The following KIF4A variants were observed in gnomAD, a reference collection of about 807,000 sequenced individuals.
The protein encoded by KIF4A is chromosome-associated kinesin KIF4A.
Under a neutral mutation model 105.9 loss-of-function variants are expected in KIF4A, and 7 were observed. The ratio of observed to expected loss-of-function variants is 0.07; its 90% confidence interval spans 0.04 to 0.12. The LOEUF is 0.12. Ranked by LOEUF, KIF4A falls within the 10% of genes least tolerant of loss-of-function variation. The pLI is 1.00. For missense variants in KIF4A, 558 were observed against 929.2 expected, an observed-to-expected ratio of 0.60 and a Z score of 5.19; for synonymous variants, 281 against 331.3, an observed-to-expected ratio of 0.85 and a Z score of 1.65.
At chrX:70,337,867 C>T (rs1240309976) in intron 10 of KIF4A, among the ~76,000 whole-genome samples, 2 of 111,756 alleles carry the variant, frequency 1.8e-5, no homozygotes, top group African/African-American at 6.5e-5. Flanking sequence ...GTGGCTGTAC[C>T]ATTTTACATC....
At chrX:70,315,015 C>T (rs1316434011) in intron 7 of KIF4A, among the ~76,000 whole-genome samples, 1 of 111,439 alleles carries the variant, frequency 9.0e-6, no homozygotes, top group African/African-American at 3.3e-5. Flanking sequence ...TTTATCCTTT[C>T]CATTAATTTC....
chrX:70,299,935 G>A (rs1251042734), intron 5 of KIF4A, among the ~76,000 whole-genome samples: 1 of 112,022 alleles, frequency 8.9e-6, no homozygotes, highest in Non-Finnish European at 1.9e-5. Flanking sequence ...AAAATTGAGA[G>A]TTTCCTATGT....
At chrX:70,355,071 G>T (rs111811627) in intron 15 of KIF4A, among the ~76,000 whole-genome samples, 6 of 111,574 alleles carry the variant, frequency 5.4e-5, no homozygotes, top group African/African-American at 2.0e-4. Flanking sequence ...AACAGTCAGG[G>T]TCTTCTGCCT....
intron 9 of KIF4A, among the ~76,000 whole-genome samples, chrX:70,332,979 G>A (rs777067425): frequency 9.0e-6 from 1 of 111,537 alleles, no homozygotes; most frequent in East Asian, 2.8e-4. Context: ...CTTGAGAGTA[G>A]GGGTCATATT....
intron 20 of KIF4A, among the ~76,000 whole-genome samples, chrX:70,387,711 T>C (rs1379369114): frequency 9.0e-6 from 1 of 111,310 alleles, no homozygotes; most frequent in African/African-American, 3.3e-5. Flanking sequence ...CTACTAAAAA[T>C]ACAAAAATTA....
chrX:70,348,976 G>A (rs1327365255), intron 13 of KIF4A, among the ~76,000 whole-genome samples: 25 of 104,134 alleles, frequency 2.4e-4, no homozygotes, highest in African/African-American at 8.2e-4. Flanking sequence ...CAGATGGGGC[G>A]GCCGGGCAGA....
At chrX:70,383,845 C>T (rs1261226348) in intron 18 of KIF4A, among the ~76,000 whole-genome samples, 1 of 111,992 alleles carries the variant, frequency 8.9e-6, no homozygotes, top group African/African-American at 3.2e-5. Context: ...ACATTAAAAT[C>T]TGTAGAGACA....
At chrX:70,321,662 C>T (rs917299957) in intron 7 of KIF4A, among the ~76,000 whole-genome samples, 2 of 111,791 alleles carry the variant, frequency 1.8e-5, no homozygotes, top group African/African-American at 6.5e-5. Context: ...ACTTTCTGCC[C>T]TCAGCATAGA....
chrX:70,388,092 G>A (rs1242584988), intron 20 of KIF4A, among the ~76,000 whole-genome samples: 1 of 110,955 alleles, frequency 9.0e-6, no homozygotes, highest in Non-Finnish European at 1.9e-5. Context: ...AGTGGTTCCA[G>A]GCAACCATTA....
intron 26 of KIF4A, 115 bp from the exon 27 acceptor site, chrX:70,406,144 G>GTTAAAC (rs2086299395): frequency 1.7e-5 from 10 of 599,919 alleles, no homozygotes; most frequent in Non-Finnish European, 2.4e-5. Flanking sequence ...CTATAATCCT[G>GTTAAAC]CATCACTTTA....
chrX:70,372,203 C>T (rs1375508036), intron 15 of KIF4A, among the ~76,000 whole-genome samples: 1 of 109,316 alleles, frequency 9.1e-6, no homozygotes, highest in East Asian at 2.9e-4. Context: ...AGACGATGGG[C>T]GGCCAGGCAG....
chrX:70,373,380 G>A (rs2086148941), intron 15 of KIF4A, among the ~76,000 whole-genome samples: 1 of 96,037 alleles, frequency 1.0e-5, no homozygotes, highest in Non-Finnish European at 2.1e-5. Context: ...AAGAAAAAAA[G>A]AAAGAAAATA....
At chrX:70,419,169 A>T (rs1206315723) in intron 29 of KIF4A, among the ~76,000 whole-genome samples, 1 of 111,536 alleles carries the variant, frequency 9.0e-6, no homozygotes, top group Non-Finnish European at 1.9e-5. Flanking sequence ...GACCTTAAGG[A>T]TCCTCTATTC....
intron 14 of KIF4A, among the ~76,000 whole-genome samples, chrX:70,352,858 T>TG (rs2086036715): frequency 8.9e-6 from 1 of 111,852 alleles, no homozygotes; most frequent in Non-Finnish European, 1.9e-5. Flanking sequence ...TAACTGGTAA[T>TG]GGGGGGCAGG....
At chrX:70,376,350 T>C in intron 18 of KIF4A, 140 bp downstream of exon 18, 1 of 430,678 alleles carries the variant, frequency 2.3e-6, no homozygotes, top group Non-Finnish European at 4.1e-6. Context: ...ATTAAATGTC[T>C]ACTATGTCTA....
At chrX:70,363,479 G>C (rs1157057545) in intron 15 of KIF4A, among the ~76,000 whole-genome samples, 2 of 111,011 alleles carry the variant, frequency 1.8e-5, no homozygotes, top group Non-Finnish European at 3.8e-5. Flanking sequence ...CCACCTATGA[G>C]TGAGAATATG....
At chrX:70,313,801 G>A (rs1432368239) in intron 7 of KIF4A, among the ~76,000 whole-genome samples, 2 of 112,226 alleles carry the variant, frequency 1.8e-5, no homozygotes, top group Non-Finnish European at 3.8e-5. Context: ...GGCTCTAAAG[G>A]AATTTTACTC....
chrX:70,420,407 T>A lies in KIF4A; in HGVS notation c.*142T>A. The A allele has an allele frequency of 2.5e-6, 2 of 812,803 alleles. No homozygotes were observed. The highest frequency in any genetic ancestry group is 3.4e-6 in the Non-Finnish European group (2 of 584,315). 67.0% of individuals were successfully genotyped at this position (812,803 alleles called of 1,213,427 possible). A position where few individuals can be genotyped will look rare whatever the true frequency, so the allele number is the denominator to read the frequency against. ...GAACAAAGCGTTACTGAAAAGAAGGTAACCTTTGTTGGATGTGGGCCTTAG... is the reference window on the plus strand; with the variant it reads ...GAACAAAGCGTTACTGAAAAGAAGGAAACCTTTGTTGGATGTGGGCCTTAG... On this transcript the variant is annotated 3_prime_UTR_variant, in exon 31 of 31. Transcript: ENST00000374403.
chrX:70,295,933 T>G (rs1405472800), intron 3 of KIF4A, among the ~76,000 whole-genome samples: 1 of 58,023 alleles, frequency 1.7e-5, no homozygotes, highest in Non-Finnish European at 3.9e-5. Context: ...AAAAAAAAAT[T>G]TACCATCCTA....
Sources: allele counts gnomAD v4.1 joint callset (sites outside exome capture counted in the v4.1 genomes callset), GRCh38; gene constraint gnomAD v4.1.1; transcripts MANE v1.5; gene names NCBI Gene and HGNC (gene_info 2026-07-23, HGNC 2026-07-21).